EGFL6: variants seen among roughly 807,000 people sequenced by gnomAD.
The protein encoded by EGFL6 is EGF like domain multiple 6, also known as epidermal growth factor-like protein 6.
In EGFL6, 42 loss-of-function variants were observed where a neutral mutation model predicts 43.1. The ratio of observed to expected loss-of-function variants is 0.98; its 90% CI spans 0.76 to 1.26. The LOEUF (loss-of-function observed/expected upper bound fraction) is 1.26. EGFL6 is among the 50% of genes most tolerant of loss of function. The pLI, the probability that EGFL6 is intolerant of heterozygous loss-of-function variation, is 0.00. For synonymous variants in EGFL6, 164 were observed against 163.2 expected, an observed-to-expected ratio of 1.01 and a Z score of -0.04; for missense variants, 429 against 427.8, an observed-to-expected ratio of 1.00 and a Z score of -0.02.
chrX:13,593,259 C>A (rs2146967975), intron 2 of EGFL6, among the ~76,000 whole-genome samples: 1 of 111,178 alleles, frequency 9.0e-6, no homozygotes, highest in East Asian at 2.8e-4. Flanking sequence ...GTACTGTATT[C>A]AGGAGGGAAC....
chrX:13,608,698 C>G (rs2045673961), intron 7 of EGFL6, among the ~76,000 whole-genome samples: 1 of 112,289 alleles, frequency 8.9e-6, no homozygotes. Flanking sequence ...TACTTAATAT[C>G]TTTCTGGCCA....
At chrX:13,598,943 CATAT>C (rs544045963) in intron 3 of EGFL6, among the ~76,000 whole-genome samples, 1 of 100,290 alleles carries the variant, frequency 1.0e-5, no homozygotes, top group African/African-American at 3.6e-5. Context: ...ATATATAATT[CATAT>C]ATATATATAT....
chrX:13,597,556 G>A (rs1417697119), intron 3 of EGFL6, among the ~76,000 whole-genome samples: 1 of 111,702 alleles, frequency 9.0e-6, no homozygotes, highest in African/African-American at 3.3e-5. Flanking sequence ...GGTCGAGGTG[G>A]GTGGATCACT....
intron 6 of EGFL6, 118 bp from the exon 7 acceptor site, chrX:13,608,206 G>A (rs1172025490): frequency 2.2e-6 from 2 of 926,779 alleles, no homozygotes; most frequent in Admixed American, 5.3e-5. Flanking sequence ...CAGTTCTCAG[G>A]CAATGCTTGG....
intron 5 of EGFL6, among the ~76,000 whole-genome samples, 184 bp from the exon 6 acceptor site, chrX:13,606,195 C>A (rs1437334381): frequency 1.8e-5 from 2 of 111,694 alleles, no homozygotes; most frequent in African/African-American, 6.5e-5. Context: ...AATATAAATA[C>A]ATAAAGTGAA....
At chrX:13,626,757 G>T (rs763762487) in intron 10 of EGFL6, among the ~76,000 whole-genome samples, 1 of 112,197 alleles carries the variant, frequency 8.9e-6, no homozygotes, top group African/African-American at 3.2e-5. Context: ...CCATATCTTT[G>T]TGTATGCTTT....
intron 6 of EGFL6, 108 bp from the exon 7 acceptor site, chrX:13,608,216 G>C (rs2045670575): frequency 6.1e-6 from 6 of 986,454 alleles, no homozygotes; most frequent in Non-Finnish European, 6.9e-6. Context: ...GCAATGCTTG[G>C]TTTGTCAGGG....
In EGFL6 at chrX:13,603,412, GC is replaced by G. The variant is rs758940135; in HGVS notation, c.500del (p.Pro167GlnfsTer7). On this transcript the variant is annotated frameshift_variant, in exon 5 of 12. Transcript: ENST00000361306. LOFTEE classifies it high-confidence loss of function. ...CLCPSSGLRL[A>X]PNGRDCLDID... ...GTGTCCATCCTCAGGACTCCGCCTGGCCCCAAATGGAAGAGACTGTCTAGGT... is the reference window on the plus strand; with the variant it reads ...GTGTCCATCCTCAGGACTCCGCCTGGCCCAAATGGAAGAGACTGTCTAGGT... 12 of 1,209,691 alleles carry G rather than the reference GC, an allele frequency of 9.9e-6. No individual in the cohort carries two copies. In the South Asian group the frequency reaches 2.1e-4, roughly 21 times the overall value.
chrX:13,625,812 G>C (rs1336186864), intron 10 of EGFL6, among the ~76,000 whole-genome samples: 1 of 105,731 alleles, frequency 9.5e-6, no homozygotes, highest in Non-Finnish European at 1.9e-5. Flanking sequence ...CTTGGGCCCA[G>C]GCATTTGAGG....
chrX:13,599,468 C>G (rs1054878532), intron 3 of EGFL6, among the ~76,000 whole-genome samples: 1 of 110,985 alleles, frequency 9.0e-6, no homozygotes, highest in African/African-American at 3.3e-5. Flanking sequence ...CGTTTATATC[C>G]AGCTTCCACT....
intron 10 of EGFL6, chrX:13,625,037 T>A (rs1039972708): frequency 8.9e-6 from 1 of 112,075 alleles, no homozygotes; most frequent in African/African-American, 3.2e-5. Flanking sequence ...TCTAAATTTA[T>A]GTCTACCAGA....
At chrX:13,572,959 A>G (rs1024393545) in intron 1 of EGFL6, among the ~76,000 whole-genome samples, 2 of 112,290 alleles carry the variant, frequency 1.8e-5, no homozygotes, top group African/African-American at 6.5e-5. Flanking sequence ...CATTTCTTGT[A>G]TCTTCCAGCT....
At position 13,617,653 on chromosome X, in the gene EGFL6, C is replaced by T. The variant is rs1602656411; in HGVS notation, c.779-77C>T. 3.1e-5 allele frequency: 28 copies of T among 916,643 alleles called. No homozygotes were observed. The East Asian group carries it at 8.0e-4, about 26-fold the overall frequency. 75.5% of individuals were successfully genotyped at this position (916,643 alleles called of 1,213,427 possible). ...GAAGCATTCACTTACTACACTTTAA[C>T]ACTTTTTAAATGCTCCATTTTGTGA... is the stretch of plus-strand genomic sequence containing the variant. On this transcript the variant is annotated intron_variant, in intron 7 of 11. Coordinates refer to ENST00000361306, the MANE Select transcript of EGFL6 (RefSeq NM_015507.4).
chrX:13,597,558 T>A (rs190127408), intron 3 of EGFL6, among the ~76,000 whole-genome samples: 5 of 111,362 alleles, frequency 4.5e-5, no homozygotes, highest in East Asian at 2.8e-4. Flanking sequence ...TCGAGGTGGG[T>A]GGATCACTTG....
intron 3 of EGFL6, among the ~76,000 whole-genome samples, chrX:13,596,775 C>A (rs2045599936): frequency 8.9e-6 from 1 of 111,990 alleles, no homozygotes; most frequent in Non-Finnish European, 1.9e-5. Flanking sequence ...GGAGGGGGTG[C>A]TACTGGTGTC....
At chrX:13,589,501 G>T in intron 1 of EGFL6, 55 bp from the exon 2 acceptor site, 1 of 1,026,370 alleles carries the variant, frequency 9.7e-7, no homozygotes, top group South Asian at 2.3e-5. Flanking sequence ...GTAGGGAAGA[G>T]TTTCTGTTGT....
At chrX:13,619,276 T>C (rs760021622) in intron 9 of EGFL6, 33 bp downstream of exon 9, 2 of 1,120,222 alleles carry the variant, frequency 1.8e-6, no homozygotes, top group South Asian at 1.8e-5. Context: ...TGTATGCTCT[T>C]TCATGTTGTC....
Position 13,624,175 on chromosome X carries a change from C to G in EGFL6, c.1285+250C>G, listed in dbSNP as rs190736898. 6.3e-5 allele frequency among the ~76,000 whole-genome samples: 7 copies of G among 111,925 alleles called. No homozygotes were observed. The Admixed American group carries it at 6.6e-4, about 11-fold the overall frequency. ...GGAGAAAACCTCTTCCATATTCACT[C>G]TCCTGCTGCTGAGGGAGAGATGTTG... is the stretch of plus-strand genomic sequence containing the variant. On this transcript the variant is annotated intron_variant, in intron 10 of 11. Transcript: ENST00000361306.
chrX:13,597,374 C>T (rs1602646096), intron 3 of EGFL6, among the ~76,000 whole-genome samples: 1 of 112,030 alleles, frequency 8.9e-6, no homozygotes, highest in African/African-American at 3.2e-5. Context: ...GAGCTGCCAG[C>T]CCTACAGTCT....
Sources: allele counts gnomAD v4.1 joint callset (sites outside exome capture counted in the v4.1 genomes callset), GRCh38; gene constraint gnomAD v4.1.1; transcripts MANE v1.5; gene names NCBI Gene and HGNC (gene_info 2026-07-23, HGNC 2026-07-21).